The following THSD7A variants were observed in gnomAD, a reference collection of about 807,000 sequenced individuals.
THSD7A encodes the protein thrombospondin type-1 domain-containing protein 7A.
In THSD7A, 96 loss-of-function variants were observed where a neutral mutation model predicts 231.3. That is an observed-to-expected ratio of 0.41 (90% CI 0.35 to 0.49). The LOEUF is 0.49. THSD7A is among the 20% of genes least tolerant of loss of function. The pLI is 0.05. For missense variants in THSD7A, 2,290 were observed against 2,070.2 expected (o/e 1.11, Z -2.06); for synonymous variants, 940 against 743.3 (o/e 1.26, Z -4.30).
At chr7:11,781,272 C>T (rs1783621935) in intron 1 of THSD7A, among the ~76,000 whole-genome samples, 1 of 151,366 alleles carries the variant, frequency 6.6e-6, no homozygotes. Context: ...AAAGTCAGAC[C>T]CTGTCTCTGC....
intron 1 of THSD7A, among the ~76,000 whole-genome samples, chr7:11,670,121 C>T (rs903549404): frequency 6.6e-6 from 1 of 152,106 alleles, no homozygotes; most frequent in Non-Finnish European, 1.5e-5. Flanking sequence ...GCAAACAGCA[C>T]AAAGACAGGC....
intron 2 of THSD7A, among the ~76,000 whole-genome samples, chr7:11,627,097 T>C (rs1394503988): frequency 6.6e-6 from 1 of 152,152 alleles, no homozygotes; most frequent in Non-Finnish European, 1.5e-5. Flanking sequence ...GATTATGTTC[T>C]AGGCATTGTC....
chr7:11,651,996 G>C (rs1372567507), intron 1 of THSD7A, among the ~76,000 whole-genome samples: 1 of 151,878 alleles, frequency 6.6e-6, no homozygotes, highest in Non-Finnish European at 1.5e-5. Flanking sequence ...TTAATGTGTT[G>C]ATTTCTAGAA....
chr7:11,829,993 A>T (rs529671529), intron 1 of THSD7A, among the ~76,000 whole-genome samples: 172 of 152,290 alleles, frequency 1.1e-3, no homozygotes, highest in Non-Finnish European at 2.1e-3. Flanking sequence ...CACACTGCAG[A>T]TAGGCAGAAG....
intron 26 of THSD7A, chr7:11,378,765 G>A (rs2115291196): frequency 3.2e-6 from 1 of 313,020 alleles, no homozygotes; most frequent in East Asian, 7.0e-5. Context: ...TAAAATTCAT[G>A]TTTCTAACTT....
rs963604037 is a variant in THSD7A, at chr7:11,564,977, G to A, written c.1454-21860C>T. ...CAAATTGTATCAACAGCTTGTTGGG[G>A]ATATGACTCTTCTACTATGGGGATG... On this transcript the variant is annotated intron_variant, in intron 4 of 27. Coordinates refer to ENST00000423059, the MANE Select transcript of THSD7A (RefSeq NM_015204.3). Among the ~76,000 whole-genome samples the A allele has an allele frequency of 2.0e-5, 3 of 152,176 alleles. 1 individual carries two copies. Among genetic ancestry groups the A allele is most frequent in the African/African-American group, 4.8e-5 (2 of 41,528 alleles).
chr7:11,441,309 G>A (rs548369386), intron 13 of THSD7A, among the ~76,000 whole-genome samples: 31 of 152,058 alleles, frequency 2.0e-4, no homozygotes, highest in South Asian at 1.0e-3. Context: ...ATGTAAAGCC[G>A]GATAAAGGGA....
intron 1 of THSD7A, among the ~76,000 whole-genome samples, chr7:11,712,001 C>G (rs1003041467): frequency 6.6e-6 from 1 of 151,066 alleles, no homozygotes; most frequent in Non-Finnish European, 1.5e-5. Context: ...AACAAAAACA[C>G]TCAGCTGAAA....
intron 8 of THSD7A, among the ~76,000 whole-genome samples, chr7:11,473,626 G>C (rs868219161): frequency 1.3e-5 from 2 of 152,182 alleles, no homozygotes; most frequent in Middle Eastern, 3.4e-3. Context: ...TCTCTATGAA[G>C]TGATTAGCTC....
At chr7:11,507,484 A>G (rs181585714) in intron 6 of THSD7A, among the ~76,000 whole-genome samples, 1 of 152,068 alleles carries the variant, frequency 6.6e-6, no homozygotes, top group Admixed American at 6.6e-5. Flanking sequence ...TCAAGTGTTT[A>G]TACTGACTTG....
At chr7:11,774,452 T>C (rs1365621840) in intron 1 of THSD7A, among the ~76,000 whole-genome samples, 1 of 151,566 alleles carries the variant, frequency 6.6e-6, no homozygotes, top group Non-Finnish European at 1.5e-5. Context: ...CACTTAAAAA[T>C]ATGTTAAGGG....
chr7:11,467,680 T>C (rs183207093), intron 9 of THSD7A, among the ~76,000 whole-genome samples: 1 of 152,232 alleles, frequency 6.6e-6, no homozygotes, highest in African/African-American at 2.4e-5. Context: ...AGTTTCTTCA[T>C]ACTGTAAAAA....
chr7:11,767,801 T>G (rs1463534369), intron 1 of THSD7A, among the ~76,000 whole-genome samples: 1 of 152,106 alleles, frequency 6.6e-6, no homozygotes, highest in Non-Finnish European at 1.5e-5. Context: ...GCAGTTTTGT[T>G]GTAGAAAACA....
chr7:11,460,603 C>A, intron 11 of THSD7A, 59 bp downstream of exon 11: 1 of 1,419,418 alleles, frequency 7.0e-7, no homozygotes, highest in South Asian at 1.3e-5. Flanking sequence ...GCAAATGCAT[C>A]AAAACAGTAG....
intron 1 of THSD7A, among the ~76,000 whole-genome samples, chr7:11,735,141 C>G (rs986415800): frequency 6.6e-6 from 1 of 151,910 alleles, no homozygotes; most frequent in Non-Finnish European, 1.5e-5. Context: ...TGGAGTGTCA[C>G]CAAATCATCC....
chr7:11,484,993 C>T (rs960830306), intron 6 of THSD7A, among the ~76,000 whole-genome samples: 2 of 144,932 alleles, frequency 1.4e-5, no homozygotes, highest in East Asian at 2.1e-4. Context: ...CAGGGTCAAG[C>T]GATTCTCCTG....
intron 7 of THSD7A, among the ~76,000 whole-genome samples, chr7:11,475,935 C>CT (rs553018024): frequency 0.019 from 2,144 of 110,726 alleles, 18 homozygotes; most frequent in Non-Finnish European, 0.026. Flanking sequence ...AAATACTTTC[C>CT]TTTTTTTTTT....
chr7:11,422,036 G>T (rs1038062529), intron 16 of THSD7A, among the ~76,000 whole-genome samples: 1 of 152,132 alleles, frequency 6.6e-6, no homozygotes, highest in South Asian at 2.1e-4. Flanking sequence ...TATACTTTGA[G>T]AAAACTGAAC....
At chr7:11,403,103 C>T (rs1368661248) in intron 22 of THSD7A, among the ~76,000 whole-genome samples, 1 of 152,166 alleles carries the variant, frequency 6.6e-6, no homozygotes, top group South Asian at 2.1e-4. Flanking sequence ...CTTAGTGATA[C>T]TCTTCAGAGT....
Sources: gnomAD v4.1 joint callset for allele counts (sites outside exome capture counted in the v4.1 genomes callset) on GRCh38, gnomAD v4.1.1 for gene constraint, MANE v1.5 for transcripts, NCBI Gene and HGNC (gene_info 2026-07-23, HGNC 2026-07-21) for gene names.